SLC25A21: variants seen among roughly 807,000 people sequenced by gnomAD.
SLC25A21 encodes mitochondrial 2-oxodicarboxylate carrier.
SLC25A21 carries 47 observed loss-of-function variants against 43.8 expected under a neutral mutation model. The ratio of observed to expected loss-of-function variants is 1.07; its 90% CI spans 0.85 to 1.37. SLC25A21 has a LOEUF of 1.37. Among genes scored for constraint, SLC25A21 ranks in the 40% most tolerant of loss-of-function variants. The pLI is 0.00. For missense variants in SLC25A21, 352 were observed against 350.2 expected (o/e 1.00, Z -0.04); for synonymous variants, 131 against 121.3 (o/e 1.08, Z -0.52).
At chr14:36,887,669 T>G (rs1339025445) in intron 1 of SLC25A21, among the ~76,000 whole-genome samples, 1 of 152,122 alleles carries the variant, frequency 6.6e-6, no homozygotes, top group South Asian at 2.1e-4. Flanking sequence ...GCTCTATGGC[T>G]TGGGGAAGAG....
intron 1 of SLC25A21, among the ~76,000 whole-genome samples, chr14:37,087,079 G>C (rs1468919912): frequency 6.6e-6 from 1 of 152,136 alleles, no homozygotes; most frequent in African/African-American, 2.4e-5. Context: ...GCTAAGTTTA[G>C]ACTAGACGCT....
chr14:36,960,207 C>A (rs1959454755), intron 1 of SLC25A21, among the ~76,000 whole-genome samples: 1 of 152,138 alleles, frequency 6.6e-6, no homozygotes, highest in South Asian at 2.1e-4. Flanking sequence ...TATTTTTAGT[C>A]ACAGGAATCC....
chr14:36,737,585 C>A (rs1016743808), intron 3 of SLC25A21, among the ~76,000 whole-genome samples: 1 of 152,140 alleles, frequency 6.6e-6, no homozygotes, highest in Non-Finnish European at 1.5e-5. Context: ...TTGCTTTTAC[C>A]GTATATCCAT....
At chr14:36,986,560 C>T (rs1176111924) in intron 1 of SLC25A21, among the ~76,000 whole-genome samples, 1 of 152,104 alleles carries the variant, frequency 6.6e-6, no homozygotes, top group Non-Finnish European at 1.5e-5. Flanking sequence ...AGAACACTTC[C>T]AATGTGAGAC....
intron 1 of SLC25A21, among the ~76,000 whole-genome samples, chr14:36,948,994 G>A (rs1892739742): frequency 6.6e-6 from 1 of 152,184 alleles, no homozygotes; most frequent in Non-Finnish European, 1.5e-5. Context: ...AAAACCAGTT[G>A]AGAACTTACA....
At chr14:36,730,998 A>G (rs1389653025) in intron 4 of SLC25A21, among the ~76,000 whole-genome samples, 2 of 146,548 alleles carry the variant, frequency 1.4e-5, no homozygotes, top group Non-Finnish European at 3.0e-5. Context: ...TTCGAGATGG[A>G]GTCTCGCTCT....
intron 1 of SLC25A21, among the ~76,000 whole-genome samples, chr14:37,028,827 T>G (rs1961146967): frequency 6.6e-6 from 1 of 152,174 alleles, no homozygotes; most frequent in Admixed American, 6.6e-5. Context: ...TGAAGAAAAT[T>G]ACTTAAGTGG....
intron 1 of SLC25A21, among the ~76,000 whole-genome samples, chr14:36,977,956 A>G (rs868635627): frequency 4.3e-5 from 3 of 69,862 alleles, no homozygotes; most frequent in Non-Finnish European, 8.7e-5. Flanking sequence ...TTTTTTTTTA[A>G]AAAAAAAAAA....
intron 3 of SLC25A21, among the ~76,000 whole-genome samples, chr14:36,755,482 T>C (rs1885889549): frequency 6.6e-6 from 1 of 152,202 alleles, no homozygotes; most frequent in Admixed American, 6.5e-5. Context: ...CATTGATCTC[T>C]ATGTGACCCA....
intron 1 of SLC25A21, among the ~76,000 whole-genome samples, chr14:37,037,842 T>A (rs1961362020): frequency 6.6e-6 from 1 of 152,150 alleles, no homozygotes; most frequent in African/African-American, 2.4e-5. Flanking sequence ...TAAACCCATA[T>A]GGCTCTACTC....
intron 1 of SLC25A21, among the ~76,000 whole-genome samples, chr14:37,167,279 A>G (rs1964045563): frequency 6.6e-6 from 1 of 152,126 alleles, no homozygotes; most frequent in Non-Finnish European, 1.5e-5. Flanking sequence ...TTTTTTTCTC[A>G]AAGGTCTTCT....
intron 8 of SLC25A21, 24 bp from the exon 9 acceptor site, chr14:36,683,904 A>G (rs1229336246): frequency 6.3e-7 from 1 of 1,577,816 alleles, no homozygotes; most frequent in Admixed American, 1.8e-5. Context: ...GGAAAGAGAA[A>G]CGTTCTTATT....
intron 1 of SLC25A21, among the ~76,000 whole-genome samples, chr14:37,021,658 T>C (rs770101650): frequency 4.0e-5 from 6 of 151,822 alleles, no homozygotes; most frequent in African/African-American, 9.7e-5. Flanking sequence ...TTGAGTTAGG[T>C]TGGTTCAACT....
At chr14:37,099,489 T>C (rs1416688536) in intron 1 of SLC25A21, among the ~76,000 whole-genome samples, 2 of 152,124 alleles carry the variant, frequency 1.3e-5, no homozygotes, top group Non-Finnish European at 2.9e-5. Flanking sequence ...TTGTTCTTAG[T>C]AGTCAATGTA....
At chr14:36,840,312 C>A (rs770809758) in intron 2 of SLC25A21, among the ~76,000 whole-genome samples, 15 of 151,896 alleles carry the variant, frequency 9.9e-5, no homozygotes, top group Non-Finnish European at 1.9e-4. Context: ...AGGGAAGAGA[C>A]TTTTTCCAAT....
intron 6 of SLC25A21, among the ~76,000 whole-genome samples, chr14:36,722,110 G>A (rs1449525086): frequency 6.6e-6 from 1 of 152,176 alleles, no homozygotes; most frequent in Non-Finnish European, 1.5e-5. Context: ...TTGAGCACCT[G>A]AAATGTCCTA....
At chr14:37,075,864 C>A (rs889819258) in intron 1 of SLC25A21, among the ~76,000 whole-genome samples, 1 of 152,154 alleles carries the variant, frequency 6.6e-6, no homozygotes, top group African/African-American at 2.4e-5. Context: ...CCCGTCATTT[C>A]CAGAATTGGC....
chr14:36,961,961 C>G (rs903260708), intron 1 of SLC25A21, among the ~76,000 whole-genome samples: 25 of 152,080 alleles, frequency 1.6e-4, no homozygotes, highest in African/African-American at 5.8e-4. Context: ...AGCCCCAGGA[C>G]AGCAATTAGG....
intron 7 of SLC25A21, 97 bp downstream of exon 7, chr14:36,711,221 C>A: frequency 9.0e-7 from 1 of 1,107,654 alleles, no homozygotes; most frequent in Non-Finnish European, 1.3e-6. Context: ...ATGTAGGTGT[C>A]CAGCACAGTG....
Sources: allele counts gnomAD v4.1 joint callset (sites outside exome capture counted in the v4.1 genomes callset), GRCh38; gene constraint gnomAD v4.1.1; transcripts MANE v1.5; gene names NCBI Gene and HGNC (gene_info 2026-07-23, HGNC 2026-07-21).